PRKN: variants seen among roughly 807,000 people sequenced by gnomAD.
PRKN encodes E3 ubiquitin-protein ligase parkin.
In PRKN, 56 loss-of-function variants were observed where a neutral mutation model predicts 59.5. That is an observed-to-expected ratio of 0.94 (90% confidence interval 0.76 to 1.18). The LOEUF is 1.18. PRKN is among the 50% of genes most tolerant of loss of function. PRKN has a pLI of 0.00. For synonymous variants in PRKN, 250 were observed against 222.1 expected, an observed-to-expected ratio of 1.13 and a Z score of -1.12; for missense variants, 657 against 596.4, an observed-to-expected ratio of 1.10 and a Z score of -1.06.
intron 7 of PRKN, among the ~76,000 whole-genome samples, chr6:161,636,867 G>T (rs1414049532): frequency 6.6e-6 from 1 of 152,150 alleles, no homozygotes; most frequent in Non-Finnish European, 1.5e-5. Context: ...AGGGATGACC[G>T]GCCGCACGTC....
intron 6 of PRKN, among the ~76,000 whole-genome samples, chr6:161,883,509 G>C (rs187750029): frequency 0.02 from 3,057 of 151,342 alleles, 137 homozygotes; most frequent in African/African-American, 0.07. Flanking sequence ...GGAAGGGAAG[G>C]TGGGGAGGGG....
At chr6:162,475,766 T>A (rs1396733565) in intron 1 of PRKN, among the ~76,000 whole-genome samples, 1 of 152,256 alleles carries the variant, frequency 6.6e-6, no homozygotes, top group East Asian at 1.9e-4. Flanking sequence ...TTTATGTATT[T>A]TGAGACGGAG....
At chr6:161,763,127 G>A (rs971793755) in intron 7 of PRKN, among the ~76,000 whole-genome samples, 2 of 152,176 alleles carry the variant, frequency 1.3e-5, no homozygotes, top group African/African-American at 2.4e-5. Context: ...GTGTCATTCA[G>A]GAGAACTAAT....
rs1270842962 is a variant in PRKN, at chr6:162,472,653, A to G, written c.8-29180T>C. Among the ~76,000 whole-genome samples, 2 of 121,494 alleles carry G rather than the reference A, an allele frequency of 1.6e-5. 1 individual carries two copies. The highest frequency in any genetic ancestry group is 6.0e-5 in the African/African-American group (2 of 33,366). 79.7% of individuals were successfully genotyped at this position (121,494 alleles called of 152,430 possible). On this transcript the variant is annotated intron_variant, in intron 1 of 11. Transcript: ENST00000366898. ...CAGGCGCCCGCCACCACGCCCGGCT[A>G]ATTTTTTTTTTGTATTTTTAGTAGA... is the stretch of plus-strand genomic sequence containing the variant.
chr6:162,054,647 A>C (rs1777784395), intron 4 of PRKN, among the ~76,000 whole-genome samples: 1 of 152,172 alleles, frequency 6.6e-6, no homozygotes, highest in African/African-American at 2.4e-5. Flanking sequence ...CTGTTCCCTG[A>C]GGCATCCCAG....
At chr6:162,682,602 G>A (rs932859378) in intron 1 of PRKN, among the ~76,000 whole-genome samples, 2 of 152,076 alleles carry the variant, frequency 1.3e-5, no homozygotes, top group Non-Finnish European at 2.9e-5. Flanking sequence ...GGGCCTACTT[G>A]AGGGTGGAGA....
At chr6:162,052,896 T>A (rs1207917253) in intron 5 of PRKN, among the ~76,000 whole-genome samples, 1 of 152,116 alleles carries the variant, frequency 6.6e-6, no homozygotes, top group African/African-American at 2.4e-5. Flanking sequence ...TATATATAAT[T>A]ATATTATTAG....
chr6:161,787,894 C>T (rs1004843925), intron 6 of PRKN, among the ~76,000 whole-genome samples: 4 of 152,200 alleles, frequency 2.6e-5, no homozygotes, highest in East Asian at 1.9e-4. Flanking sequence ...GAGCCGAGAT[C>T]GCACCACTGC....
chr6:162,087,668 A>T (rs1412015770), intron 4 of PRKN, among the ~76,000 whole-genome samples: 1 of 135,908 alleles, frequency 7.4e-6, no homozygotes, highest in African/African-American at 2.8e-5. Flanking sequence ...ATCTCGGCTC[A>T]CTGCAAGCTC....
rs562785423 is a variant in PRKN at position 161,680,372 on chromosome 6, T to C, written c.871+105400A>G. Among the ~76,000 whole-genome samples, 111 of 152,170 alleles carry C rather than the reference T, an allele frequency of 7.3e-4. 1 individual carries two copies. The highest frequency in any genetic ancestry group is 5.8e-4 in the East Asian group (3 of 5,164). On this transcript the variant is annotated intron_variant, in intron 7 of 11. Transcript: ENST00000366898. ...CCATATGGACTATTATCCAAAGCAATTGTGAATCCTTGCAGTACGGGGCAG... is the reference window on the plus strand; with the variant it reads ...CCATATGGACTATTATCCAAAGCAACTGTGAATCCTTGCAGTACGGGGCAG...
Position 162,364,981 on chromosome 6 carries a change from T to TC in PRKN, c.171+78328_171+78329insG, listed in dbSNP as rs1583445405. Among the ~76,000 whole-genome samples the TC allele has an allele frequency of 5.9e-5, 8 of 136,012 alleles. No homozygotes were observed. The East Asian group carries it at 1.3e-3, about 22-fold the overall frequency. The allele number at this position is 136,012 out of a possible 152,430, so 89.2% of individuals were successfully genotyped here. On this transcript the variant is annotated intron_variant, in intron 2 of 11. Transcript: ENST00000366898. ...CTTCTCCCTCTCTCTCTCTCTCTCT[T>TC]TTTTTTTTTTTTTTGCCAATATGTA...
At chr6:162,169,751 C>T (rs1783173422) in intron 4 of PRKN, among the ~76,000 whole-genome samples, 1 of 152,158 alleles carries the variant, frequency 6.6e-6, no homozygotes, top group Admixed American at 6.6e-5. Flanking sequence ...GCTGCATTTG[C>T]TCCCAAAAAA....
intron 7 of PRKN, among the ~76,000 whole-genome samples, chr6:161,680,864 T>C (rs1267906096): frequency 6.7e-6 from 1 of 150,236 alleles, no homozygotes; most frequent in African/African-American, 2.5e-5. Context: ...TCAAAGACTT[T>C]AATACAACTG....
intron 4 of PRKN, among the ~76,000 whole-genome samples, chr6:162,193,270 C>T (rs1187770314): frequency 6.6e-6 from 1 of 152,194 alleles, no homozygotes; most frequent in Non-Finnish European, 1.5e-5. Flanking sequence ...TCTCAACGTA[C>T]GCATTTCTGT....
intron 11 of PRKN, among the ~76,000 whole-genome samples, chr6:161,358,788 CTTTTTTTTTTT>C (rs34428983): frequency 1.8e-4 from 12 of 67,824 alleles, no homozygotes; most frequent in Non-Finnish European, 1.6e-4. Context: ...GCCTTCTGCT[CTTTTTTTTTTT>C]TTTTTTTTTT....
chr6:162,018,919 T>C (rs1783030069), intron 5 of PRKN, among the ~76,000 whole-genome samples: 2 of 152,228 alleles, frequency 1.3e-5, no homozygotes, highest in Admixed American at 1.3e-4. Flanking sequence ...TCTCATAATT[T>C]AGCCTTGGTG....
In PRKN at chr6:161,592,925, T is replaced by C. The variant is rs2128141220; in HGVS notation, c.872-23509A>G. ...AAGGGTTGAAGTTTAATTCCGAGAG[T>C]AGGGAGAAGGCACTGGAGGACTTGC... On this transcript the variant is annotated intron_variant, in intron 7 of 11. Coordinates refer to ENST00000366898, the MANE Select transcript of PRKN (RefSeq NM_004562.3). The surrounding 1 kb of genome is among the most constrained non-coding windows in gnomAD (Gnocchi z 4.8). Among the ~76,000 whole-genome samples the C allele has an allele frequency of 6.6e-6, 1 of 152,036 alleles. No homozygotes were observed. Among genetic ancestry groups the C allele is most frequent in the Non-Finnish European group, 1.5e-5 (1 of 67,962 alleles).
chr6:162,312,681 G>T (rs1035068407), intron 2 of PRKN, among the ~76,000 whole-genome samples: 5 of 152,094 alleles, frequency 3.3e-5, no homozygotes, highest in Non-Finnish European at 5.9e-5. Context: ...TACATAAGTG[G>T]TTCTTGATCC....
At position 161,460,525 on chromosome 6, in the gene PRKN, G is replaced by T. The variant is rs546058072; in HGVS notation, c.1084-73648C>A. The stretch of plus-strand genomic sequence containing the variant: ...TGAACCCCCGTGATCACTTGGGTTT[G>T]GGGAAGGAGACATGCTGGTAGGTAA... On this transcript the variant is annotated intron_variant, in intron 9 of 11. Coordinates refer to ENST00000366898, the MANE Select transcript of PRKN (RefSeq NM_004562.3). The surrounding 1 kb of genome is among the most constrained non-coding windows in gnomAD (Gnocchi z 5.0). Among the ~76,000 whole-genome samples, 58 of 152,200 alleles carry T rather than the reference G, an allele frequency of 3.8e-4. No homozygotes were observed. The highest frequency in any genetic ancestry group is 1.3e-3 in the African/African-American group (53 of 41,526).
Sources: allele counts gnomAD v4.1 joint callset (sites outside exome capture counted in the v4.1 genomes callset), GRCh38; gene constraint gnomAD v4.1.1; non-coding constraint Gnocchi (gnomAD v3.1); transcripts MANE v1.5; gene names NCBI Gene and HGNC (gene_info 2026-07-23, HGNC 2026-07-21).